ADGRL2: variants seen among roughly 807,000 people sequenced by gnomAD.
The protein encoded by ADGRL2 is adhesion G protein-coupled receptor L2, also known as calcium-independent alpha-latrotoxin receptor 2.
In ADGRL2, 44 loss-of-function variants were observed where a neutral mutation model predicts 157.4. The ratio of observed to expected loss-of-function variants is 0.28; its 90% CI spans 0.22 to 0.36. The LOEUF is 0.36. ADGRL2 is among the 10% of genes least tolerant of loss of function. The pLI is 1.00. For synonymous variants in ADGRL2, 585 were observed against 624.7 expected, an observed-to-expected ratio of 0.94 and a Z score of 0.95; for missense variants, 1,510 against 1,768.9, an observed-to-expected ratio of 0.85 and a Z score of 2.63.
At chr1:81,652,979 T>C (rs2082452593) in intron 3 of ADGRL2, among the ~76,000 whole-genome samples, 1 of 152,184 alleles carries the variant, frequency 6.6e-6, no homozygotes, top group South Asian at 2.1e-4. Context: ...TGATCATTTG[T>C]CCTGAACAGA....
chr1:81,331,868 A>G (rs1292596274), intron 1 of ADGRL2, among the ~76,000 whole-genome samples: 3 of 152,164 alleles, frequency 2.0e-5, no homozygotes, highest in Non-Finnish European at 4.4e-5. Context: ...TAAATTAACC[A>G]ATTATTTGGA....
At chr1:81,933,983 CAT>C (rs2095272762) in intron 3 of ADGRL2, among the ~76,000 whole-genome samples, 1 of 151,966 alleles carries the variant, frequency 6.6e-6, no homozygotes. Context: ...TGTATATAAA[CAT>C]ATGAAATTTT....
chr1:81,713,580 A>G (rs1003446154), intron 1 of ADGRL2, among the ~76,000 whole-genome samples: 1 of 152,244 alleles, frequency 6.6e-6, no homozygotes, highest in African/African-American at 2.4e-5. Context: ...CATCATCTTA[A>G]GTAAACTGCA....
intron 2 of ADGRL2, among the ~76,000 whole-genome samples, chr1:81,783,758 A>G (rs572462679): frequency 1.3e-5 from 2 of 152,346 alleles, no homozygotes; most frequent in East Asian, 3.9e-4. Context: ...TAGAATATTC[A>G]AAATTGTTTC....
At chr1:81,868,315 G>A (rs946883559) in intron 2 of ADGRL2, among the ~76,000 whole-genome samples, 3 of 152,030 alleles carry the variant, frequency 2.0e-5, no homozygotes, top group Non-Finnish European at 2.9e-5. Flanking sequence ...GCTTTGTGTG[G>A]TGGCTACTTT....
At chr1:81,980,329 A>G (rs1400444730) in intron 18 of ADGRL2, among the ~76,000 whole-genome samples, 1 of 151,388 alleles carries the variant, frequency 6.6e-6, no homozygotes, top group Non-Finnish European at 1.5e-5. Context: ...AGCAGTTTCC[A>G]CTCCTAATCC....
intron 2 of ADGRL2, among the ~76,000 whole-genome samples, chr1:81,477,344 A>C (rs997226927): frequency 3.3e-5 from 5 of 152,354 alleles, no homozygotes; most frequent in Middle Eastern, 6.8e-3. Flanking sequence ...TTTCATGCCA[A>C]CCTGAAGAAA....
intron 2 of ADGRL2, among the ~76,000 whole-genome samples, chr1:81,447,065 G>A (rs1185770216): frequency 2.0e-5 from 3 of 151,988 alleles, no homozygotes; most frequent in Non-Finnish European, 2.9e-5. Context: ...TTTTATATTA[G>A]TCAACATAAA....
At chr1:81,624,062 C>T (rs567504063) in intron 3 of ADGRL2, among the ~76,000 whole-genome samples, 8 of 151,988 alleles carry the variant, frequency 5.3e-5, no homozygotes, top group South Asian at 2.1e-4. Context: ...CCAGGAGTAG[C>T]GAAGACCATC....
chr1:81,931,306 G>A (rs1039920603), intron 3 of ADGRL2, among the ~76,000 whole-genome samples: 1 of 151,968 alleles, frequency 6.6e-6, no homozygotes, highest in African/African-American at 2.4e-5. Context: ...CTTTTATTCC[G>A]GTATTTGAAC....
Position 81,993,087 on chromosome 1 carries a change from A to ATT in ADGRL2, c.*1973_*1974dup, listed in dbSNP as rs71085382. Among the ~76,000 whole-genome samples the ATT allele has an allele frequency of 6.8e-4, 20 of 29,202 alleles. No homozygotes were observed. The highest frequency in any genetic ancestry group is 2.4e-3 in the South Asian group (2 of 818). The allele number at this position is 29,202 out of a possible 152,430, so 19.2% of individuals were successfully genotyped here. On this transcript the variant is annotated 3_prime_UTR_variant, in exon 24 of 24. Coordinates refer to ENST00000686636, the MANE Select transcript of ADGRL2 (RefSeq NM_001366006.2). ...TATATATATATATATATATATATAT[A>ATT]TTTTTTTTTTTTTTTTTTTTTTTTT...
At chr1:81,851,418 G>GAATAT (rs1275206543) in intron 2 of ADGRL2, among the ~76,000 whole-genome samples, 1 of 151,782 alleles carries the variant, frequency 6.6e-6, no homozygotes, top group East Asian at 1.9e-4. Flanking sequence ...GATGAGTAAT[G>GAATAT]AATATCTCTA....
chr1:81,700,893 C>A (rs992920981), intron 1 of ADGRL2, among the ~76,000 whole-genome samples: 1 of 152,220 alleles, frequency 6.6e-6, no homozygotes, highest in African/African-American at 2.4e-5. Flanking sequence ...GACCAGTTTG[C>A]AGTCACAGAA....
chr1:81,703,533 G>T (rs2083639751), intron 1 of ADGRL2, among the ~76,000 whole-genome samples: 1 of 152,174 alleles, frequency 6.6e-6, no homozygotes, highest in South Asian at 2.1e-4. Flanking sequence ...TGTGCCAGAT[G>T]CCTTTGGTCC....
At position 81,482,757 on chromosome 1, in the gene ADGRL2, A is replaced by G. The variant is rs1198531374; in HGVS notation, c.-248+37668A>G. ...AGATAATTTCTTCCTATAGGTTATC[A>G]TTCTGTCTTATACCTTCACTAAAAC... On this transcript the variant is annotated intron_variant, in intron 2 of 24. Coordinates refer to the ADGRL2 transcript ENST00000370721. Among the ~76,000 whole-genome samples, 3 of 151,928 alleles carry G rather than the reference A, an allele frequency of 2.0e-5. No homozygotes were observed. In the East Asian group the frequency reaches 5.8e-4, roughly 29 times the overall value.
At chr1:81,823,110 T>TC (rs1463062077) in intron 1 of ADGRL2, among the ~76,000 whole-genome samples, 1 of 151,670 alleles carries the variant, frequency 6.6e-6, no homozygotes, top group Non-Finnish European at 1.5e-5. Context: ...TTAGGAGGTC[T>TC]CCGAGTTAGT....
intron 2 of ADGRL2, among the ~76,000 whole-genome samples, chr1:81,540,104 G>A (rs2079846117): frequency 6.6e-6 from 1 of 152,084 alleles, no homozygotes. Flanking sequence ...TTCTCCATCT[G>A]TAAAATGAGT....
chr1:81,422,773 G>C (rs942229315), intron 1 of ADGRL2, among the ~76,000 whole-genome samples: 3 of 152,126 alleles, frequency 2.0e-5, no homozygotes, highest in Non-Finnish European at 4.4e-5. Flanking sequence ...TCTTACATAT[G>C]TGTGAGAATC....
chr1:81,840,427 A>G (rs985625926), intron 2 of ADGRL2, among the ~76,000 whole-genome samples: 1 of 152,022 alleles, frequency 6.6e-6, no homozygotes, highest in South Asian at 2.1e-4. Flanking sequence ...TTTGCTTTAC[A>G]TCGGTACATA....
Sources: allele counts gnomAD v4.1 joint callset (sites outside exome capture counted in the v4.1 genomes callset), GRCh38; gene constraint gnomAD v4.1.1; transcripts MANE v1.5; gene names NCBI Gene and HGNC (gene_info 2026-07-23, HGNC 2026-07-21).